The following SGCE variants were observed in gnomAD, a reference collection of about 807,000 sequenced individuals.
SGCE encodes epsilon-sarcoglycan.
SGCE carries 26 observed loss-of-function variants against 57.8 expected under a neutral mutation model. The observed-to-expected ratio is 0.45, with a 90% confidence interval of 0.33 to 0.62. The LOEUF is 0.62. Among genes scored for constraint, SGCE ranks in the 20% least tolerant of loss-of-function variants. The pLI is 0.02. For missense variants in SGCE, 468 were observed against 548.6 expected, an observed-to-expected ratio of 0.85 and a Z score of 1.47; for synonymous variants, 183 against 189.5, an observed-to-expected ratio of 0.97 and a Z score of 0.28.
At chr7:94,638,091 T>C (rs2117030489) in intron 1 of SGCE, among the ~76,000 whole-genome samples, 1 of 152,276 alleles carries the variant, frequency 6.6e-6, no homozygotes, top group Non-Finnish European at 1.5e-5. Flanking sequence ...CTGATGGCAA[T>C]ATCTAAAGAG....
At chr7:94,624,114 T>G (rs1803293385) in intron 3 of SGCE, 1 of 396,618 alleles carries the variant, frequency 2.5e-6, no homozygotes, top group East Asian at 3.6e-5. Flanking sequence ...TAAGGCCTAT[T>G]TAACTTTATA....
chr7:94,603,220 G>T (rs987495096), intron 6 of SGCE, 70 bp downstream of exon 6: 1 of 1,240,052 alleles, frequency 8.1e-7, no homozygotes, highest in South Asian at 1.3e-5. Flanking sequence ...AGCAGTTCAG[G>T]TTTTAGTCAA....
At chr7:94,605,148 C>G (rs1799919486) in intron 5 of SGCE, among the ~76,000 whole-genome samples, 1 of 151,892 alleles carries the variant, frequency 6.6e-6, no homozygotes, top group African/African-American at 2.4e-5. Context: ...TTTGAAAAGA[C>G]TGAACAAGCA....
At position 94,586,085 on chromosome 7, in the gene SGCE, A is replaced by AC. The variant is rs1213037126; in HGVS notation, c.1298-571_1298-570insG. The stretch of plus-strand genomic sequence containing the variant: ...TGAAAAAAAAAAAAAAAAAAAAAAA[A>AC]AACAACAACTTCAAGATATACTTTC... On this transcript the variant is annotated intron_variant, in intron 10 of 10. Transcript: ENST00000648936. Among the ~76,000 whole-genome samples the AC allele has an allele frequency of 2.9e-4, 43 of 150,792 alleles. 1 individual carries two copies. The highest frequency in any genetic ancestry group is 3.5e-4 in the Non-Finnish European group (24 of 67,606).
chr7:94,655,612 A>C (rs1055877417), intron 1 of SGCE, among the ~76,000 whole-genome samples: 12 of 152,016 alleles, frequency 7.9e-5, no homozygotes, highest in African/African-American at 2.9e-4. Flanking sequence ...AATCGCGGGG[A>C]AACGGGCCCC....
intron 1 of SGCE, among the ~76,000 whole-genome samples, chr7:94,645,869 C>G (rs920373989): frequency 1.3e-5 from 2 of 152,114 alleles, no homozygotes; most frequent in Admixed American, 1.3e-4. Context: ...TCTTTAAATA[C>G]AATCGTTTTT....
At chr7:94,623,229 G>A (rs957602039) in intron 4 of SGCE, 96 bp downstream of exon 4, 13 of 701,726 alleles carry the variant, frequency 1.9e-5, no homozygotes, top group Non-Finnish European at 2.7e-5. Context: ...TTAGGTATGT[G>A]GCATTTTAAA....
intron 5 of SGCE, among the ~76,000 whole-genome samples, chr7:94,612,166 A>ATTGAT (rs1413088048): frequency 6.6e-6 from 1 of 152,158 alleles, no homozygotes; most frequent in Non-Finnish European, 1.5e-5. Context: ...TAGACAAGAC[A>ATTGAT]TTGATTTGTA....
intron 4 of SGCE, chr7:94,619,629 TTA>T (rs1802473230): frequency 2.0e-5 from 3 of 152,218 alleles, no homozygotes; most frequent in African/African-American, 7.2e-5. Context: ...AATTGTTCTC[TTA>T]CGATAAATAA....
intron 10 of SGCE, chr7:94,588,113 T>C (rs1797151290): frequency 8.5e-7 from 1 of 1,170,356 alleles, no homozygotes; most frequent in East Asian, 4.4e-5. Flanking sequence ...TAATTGGCTG[T>C]GGAAAATTTT....
intron 10 of SGCE, among the ~76,000 whole-genome samples, chr7:94,585,890 T>C (rs1013959688): frequency 4.6e-5 from 7 of 151,764 alleles, no homozygotes; most frequent in Admixed American, 3.9e-4. Flanking sequence ...TGAGAAAACC[T>C]GAAGGGGCAT....
At chr7:94,613,906 G>A (rs150032548) in intron 5 of SGCE, among the ~76,000 whole-genome samples, 28 of 151,818 alleles carry the variant, frequency 1.8e-4, no homozygotes, top group African/African-American at 6.8e-4. Context: ...GTACATACCT[G>A]CAATTAATCA....
intron 5 of SGCE, 138 bp from the exon 6 acceptor site, chr7:94,603,590 TA>T (rs1011317865): frequency 2.7e-6 from 2 of 743,334 alleles, no homozygotes; most frequent in Non-Finnish European, 4.5e-6. Flanking sequence ...GCCTCGGCTC[TA>T]AAAACAATGA....
At chr7:94,622,582 T>A (rs1341260932) in intron 4 of SGCE, 2 of 150,308 alleles carry the variant, frequency 1.3e-5, no homozygotes, top group Non-Finnish European at 2.9e-5. Flanking sequence ...TTAGCCGAGA[T>A]GGTGCCATTG....
chr7:94,601,776 AT>A (rs1799316379), intron 6 of SGCE, among the ~76,000 whole-genome samples: 1 of 152,042 alleles, frequency 6.6e-6, no homozygotes, highest in African/African-American at 2.4e-5. Context: ...CTAAATATGA[AT>A]TTCATTTATT....
intron 6 of SGCE, 142 bp from the exon 7 acceptor site, chr7:94,600,999 G>A (rs937688741): frequency 1.4e-6 from 1 of 724,966 alleles, no homozygotes; most frequent in Admixed American, 2.2e-5. Context: ...TCTTGAATTT[G>A]CAAGTATTTA....
intron 7 of SGCE, 104 bp from the exon 8 acceptor site, chr7:94,599,827 G>A: frequency 1.1e-6 from 1 of 887,282 alleles, no homozygotes; most frequent in Non-Finnish European, 1.9e-6. Flanking sequence ...TGCTGACATT[G>A]TCACTATTAA....
At chr7:94,635,373 A>T (rs1414014144) in intron 1 of SGCE, among the ~76,000 whole-genome samples, 1 of 152,252 alleles carries the variant, frequency 6.6e-6, no homozygotes, top group African/African-American at 2.4e-5. Flanking sequence ...GAGAGTACTA[A>T]ACAGCCACCT....
intron 9 of SGCE, chr7:94,591,001 C>T (rs1445579311): frequency 6.6e-6 from 1 of 151,950 alleles, no homozygotes; most frequent in Non-Finnish European, 1.5e-5. Flanking sequence ...ATAATAAACT[C>T]AACTCTAACA....
Sources: gnomAD v4.1 joint callset for allele counts (sites outside exome capture counted in the v4.1 genomes callset) on GRCh38, gnomAD v4.1.1 for gene constraint, MANE v1.5 for transcripts, NCBI Gene and HGNC (gene_info 2026-07-23, HGNC 2026-07-21) for gene names.